The following MACROD2 variants were observed in gnomAD, a reference collection of about 807,000 sequenced individuals.
The protein encoded by MACROD2 is ADP-ribose glycohydrolase MACROD2.
MACROD2 carries 36 observed loss-of-function variants against 70.4 expected under a neutral mutation model. The observed-to-expected ratio is 0.51, with a 90% CI of 0.39 to 0.68. The LOEUF (loss-of-function observed/expected upper bound fraction) is 0.68. Ranked by LOEUF, MACROD2 falls within the 30% of genes least tolerant of loss-of-function variation. MACROD2 has a pLI of 0.00. For synonymous variants in MACROD2, 172 were observed against 178.8 expected (o/e 0.96, Z 0.30); for missense variants, 496 against 538.4 (o/e 0.92, Z 0.78).
intron 5 of MACROD2, among the ~76,000 whole-genome samples, chr20:14,703,188 C>T (rs544119736): frequency 6.6e-6 from 1 of 152,180 alleles, no homozygotes; most frequent in African/African-American, 2.4e-5. Flanking sequence ...ATAAACAATA[C>T]TGAGATGAAC....
At chr20:14,337,887 A>AT (rs1417163718) in intron 3 of MACROD2, among the ~76,000 whole-genome samples, 10 of 152,194 alleles carry the variant, frequency 6.6e-5, no homozygotes, top group East Asian at 5.8e-4. Flanking sequence ...ATACTTATGT[A>AT]TTTTTTTTAA....
At chr20:14,671,807 G>A (rs1238630239) in intron 4 of MACROD2, among the ~76,000 whole-genome samples, 4 of 152,204 alleles carry the variant, frequency 2.6e-5, no homozygotes, top group East Asian at 3.8e-4. Context: ...GCTTCAAGAT[G>A]TGGATCTCCT....
intron 10 of MACROD2, among the ~76,000 whole-genome samples, chr20:15,910,484 G>A (rs927664756): frequency 4.6e-5 from 7 of 151,672 alleles, no homozygotes; most frequent in Admixed American, 3.3e-4. Flanking sequence ...AGATGAGGAC[G>A]TAGGACCACT....
At chr20:14,863,132 G>T (rs1250665293) in intron 5 of MACROD2, among the ~76,000 whole-genome samples, 1 of 152,024 alleles carries the variant, frequency 6.6e-6, no homozygotes, top group Non-Finnish European at 1.5e-5. Flanking sequence ...TTCTTTCACA[G>T]TTTCTTTCAC....
chr20:15,709,888 A>G (rs1568987251), intron 8 of MACROD2, among the ~76,000 whole-genome samples: 3 of 152,104 alleles, frequency 2.0e-5, no homozygotes, highest in African/African-American at 7.2e-5. Context: ...TATTTGTCCT[A>G]TCAGGCTCTA....
Position 14,965,133 on chromosome 20 carries a change from C to G in MACROD2, c.419-264807C>G, listed in dbSNP as rs374101541. ...TCAGCAGATACTTGCTTTTAAGGAG[C>G]CTACTTCTGATTGGTCAGCCAGATA... On this transcript the variant is annotated intron_variant, in intron 5 of 17. Coordinates refer to ENST00000684519, the MANE Select transcript of MACROD2 (RefSeq NM_001351661.2). Among the ~76,000 whole-genome samples the G allele has an allele frequency of 7.2e-5, 11 of 152,146 alleles. No homozygotes were observed. The East Asian group carries it at 1.4e-3, about 19-fold the overall frequency.
At chr20:14,376,837 C>T (rs1054625535) in intron 3 of MACROD2, among the ~76,000 whole-genome samples, 6 of 151,206 alleles carry the variant, frequency 4.0e-5, no homozygotes, top group African/African-American at 1.5e-4. Context: ...TTCCCTTTGG[C>T]TCTGGTTTTC....
chr20:14,968,603 C>A lies in MACROD2; in HGVS notation c.419-261337C>A, dbSNP rs141075788. Among the ~76,000 whole-genome samples, 12 of 152,306 alleles carry A rather than the reference C, an allele frequency of 7.9e-5. No individual in the cohort carries two copies. The East Asian group carries it at 2.3e-3, about 29-fold the overall frequency. ...GCAGGGTTATGCAAACTTCAGCATG[C>A]ATTAGAATCACCTGAAGGGCTTGTT... On this transcript the variant is annotated intron_variant, in intron 5 of 17. Transcript: ENST00000684519.
At chr20:15,924,981 T>G (rs2065467554) in intron 10 of MACROD2, among the ~76,000 whole-genome samples, 1 of 152,212 alleles carries the variant, frequency 6.6e-6, no homozygotes, top group Non-Finnish European at 1.5e-5. Context: ...AAAAATGCAG[T>G]TGCTGTTTTA....
intron 4 of MACROD2, among the ~76,000 whole-genome samples, chr20:14,591,794 C>T (rs1013329752): frequency 6.6e-6 from 1 of 152,050 alleles, no homozygotes; most frequent in Admixed American, 6.5e-5. Flanking sequence ...AATAGTCAAA[C>T]AAACCTTTAT....
At chr20:15,304,492 G>A (rs572045072) in intron 6 of MACROD2, among the ~76,000 whole-genome samples, 24 of 152,290 alleles carry the variant, frequency 1.6e-4, no homozygotes, top group Middle Eastern at 3.4e-3. Context: ...GGTATGACAA[G>A]GTTTCTCTTC....
chr20:14,029,954 G>C (rs1348241119), intron 2 of MACROD2, among the ~76,000 whole-genome samples: 1 of 152,174 alleles, frequency 6.6e-6, no homozygotes, highest in Non-Finnish European at 1.5e-5. Context: ...AATACACTAA[G>C]CCAGGTCATT....
At chr20:14,983,366 G>C (rs530758284) in intron 5 of MACROD2, among the ~76,000 whole-genome samples, 1 of 151,746 alleles carries the variant, frequency 6.6e-6, no homozygotes, top group South Asian at 2.1e-4. Context: ...AGGCATGATT[G>C]GTTTTGAAAT....
chr20:14,437,480 G>C (rs998841992), intron 3 of MACROD2, among the ~76,000 whole-genome samples: 1 of 152,194 alleles, frequency 6.6e-6, no homozygotes, highest in Middle Eastern at 3.4e-3. Context: ...TGTAATCCTA[G>C]ATACTTGGGA....
At chr20:15,597,462 T>G (rs1418182344) in intron 8 of MACROD2, among the ~76,000 whole-genome samples, 1 of 152,206 alleles carries the variant, frequency 6.6e-6, no homozygotes, top group Non-Finnish European at 1.5e-5. Context: ...TCTTGGATTC[T>G]GTCCAGTAGG....
intron 7 of MACROD2, among the ~76,000 whole-genome samples, chr20:15,486,342 A>G (rs1230056126): frequency 2.6e-5 from 4 of 152,162 alleles, no homozygotes; most frequent in Non-Finnish European, 1.5e-5. Flanking sequence ...GCATTCCTGT[A>G]CCTTTAGGCT....
intron 5 of MACROD2, among the ~76,000 whole-genome samples, chr20:14,800,858 T>G (rs1813036947): frequency 6.6e-6 from 1 of 152,124 alleles, no homozygotes; most frequent in African/African-American, 2.4e-5. Flanking sequence ...ACACAGGTTG[T>G]GCTGGTTTGA....
At chr20:14,513,195 C>G (rs1285703057) in intron 4 of MACROD2, among the ~76,000 whole-genome samples, 2 of 152,118 alleles carry the variant, frequency 1.3e-5, no homozygotes, top group African/African-American at 4.8e-5. Flanking sequence ...AACATCATTC[C>G]TTTGCAAGGA....
intron 6 of MACROD2, among the ~76,000 whole-genome samples, chr20:15,232,963 C>T (rs2076971823): frequency 6.6e-6 from 1 of 151,830 alleles, no homozygotes; most frequent in South Asian, 2.1e-4. Flanking sequence ...CTACTGTGTA[C>T]CCTGACGTTA....
Sources: allele counts gnomAD v4.1 joint callset (sites outside exome capture counted in the v4.1 genomes callset), GRCh38; gene constraint gnomAD v4.1.1; transcripts MANE v1.5; gene names NCBI Gene and HGNC (gene_info 2026-07-23, HGNC 2026-07-21).